GCLC: variants seen among roughly 807,000 people sequenced by gnomAD.
GCLC encodes glutamate-cysteine ligase catalytic subunit, also known as glutamate--cysteine ligase catalytic subunit.
GCLC carries 30 observed loss-of-function variants against 81.5 expected under a neutral mutation model. That is an observed-to-expected ratio of 0.37 (90% CI 0.28 to 0.50). The LOEUF (loss-of-function observed/expected upper bound fraction) is 0.50, where lower values mean the gene tolerates loss of function less well. Among genes scored for constraint, GCLC ranks in the 20% least tolerant of loss-of-function variants. GCLC has a pLI of 0.96. For missense variants in GCLC, 556 were observed against 777.4 expected, an observed-to-expected ratio of 0.72 and a Z score of 3.39; for synonymous variants, 262 against 273.3, an observed-to-expected ratio of 0.96 and a Z score of 0.41.
At chr6:53,514,013 T>C (rs1307694064) in intron 6 of GCLC, 191 bp downstream of exon 6, 1 of 621,800 alleles carries the variant, frequency 1.6e-6, no homozygotes, top group Non-Finnish European at 2.8e-6. Flanking sequence ...ACAGAGTCTG[T>C]AGAACTATTA....
chr6:53,507,213 G>A lies in GCLC; in HGVS notation c.1085-188C>T, dbSNP rs372207009. ...CTGCGGACACTGCGGGAGTGTCAGC[G>A]TTTTATTCACTACTTACACAATGCC... On this transcript the variant is annotated intron_variant, in intron 9 of 15. Coordinates refer to ENST00000650454, the MANE Select transcript of GCLC (RefSeq NM_001498.4). The A allele has an allele frequency of 3.1e-5, 21 of 668,442 alleles. No homozygotes were observed. The East Asian group carries it at 4.3e-4, about 14-fold the overall frequency. The allele number at this position is 668,442 out of a possible 1,614,324, so 41.4% of individuals were successfully genotyped here.
intron 3 of GCLC, 58 bp from the exon 4 acceptor site, chr6:53,516,280 C>T: frequency 9.0e-7 from 1 of 1,113,244 alleles, no homozygotes; most frequent in Non-Finnish European, 1.4e-6. Context: ...TAATTGTGTG[C>T]AGTCTTGCCA....
intron 1 of GCLC, among the ~76,000 whole-genome samples, chr6:53,540,240 A>C (rs1763328976): frequency 6.6e-6 from 1 of 152,060 alleles, no homozygotes; most frequent in Non-Finnish European, 1.5e-5. Context: ...ACAATAGCCA[A>C]GATGTAGAGA....
At chr6:53,505,740 G>A in intron 11 of GCLC, 63 bp downstream of exon 11, 1 of 933,228 alleles carries the variant, frequency 1.1e-6, no homozygotes. Flanking sequence ...AGCATCAGAA[G>A]GGTGATGAAC....
At position 53,498,532 on chromosome 6, in the gene GCLC, G is replaced by A. The variant is rs1764423278; in HGVS notation, c.*224C>T. 1.8e-6 allele frequency: 1 copy of A among 551,366 alleles called. No individual in the cohort carries two copies. Among genetic ancestry groups the A allele is most frequent in the Admixed American group, 3.2e-5 (1 of 31,412 alleles). The allele number at this position is 551,366 out of a possible 1,614,324, so 34.2% of individuals were successfully genotyped here. A position where few individuals can be genotyped will look rare whatever the true frequency, so the allele number is the denominator to read the frequency against. ...GCCAGTTCATGATGACTTTAGATATGTTATTAAAATACATTGTTAATCAAA... is the reference window on the plus strand; with the variant it reads ...GCCAGTTCATGATGACTTTAGATATATTATTAAAATACATTGTTAATCAAA... On this transcript the variant is annotated 3_prime_UTR_variant, in exon 16 of 16. Transcript: ENST00000650454.
intron 1 of GCLC, among the ~76,000 whole-genome samples, chr6:53,538,175 G>T (rs1320879635): frequency 2.5e-5 from 3 of 119,092 alleles, no homozygotes; most frequent in Admixed American, 2.1e-4. Context: ...AAGAGATGGG[G>T]TCCCACTTGG....
At chr6:53,519,543 A>G (rs757202011) in intron 3 of GCLC, among the ~76,000 whole-genome samples, 3 of 150,968 alleles carry the variant, frequency 2.0e-5, no homozygotes, top group African/African-American at 2.4e-5. Context: ...TTGTTCTTCA[A>G]CCCCCCAGCT....
At chr6:53,514,918 T>C (rs1187000935) in intron 4 of GCLC, among the ~76,000 whole-genome samples, 3 of 152,144 alleles carry the variant, frequency 2.0e-5, no homozygotes, top group Non-Finnish European at 4.4e-5. Context: ...CCCTCCCTCA[T>C]CTCTGCAGGA....
intron 3 of GCLC, 90 bp downstream of exon 3, chr6:53,520,688 T>C: frequency 8.0e-6 from 8 of 1,005,630 alleles, no homozygotes; most frequent in African/African-American, 1.6e-5. Flanking sequence ...GTATGAGGAT[T>C]GTAAGGTGGA....
chr6:53,521,801 C>T (rs1021933404), intron 2 of GCLC, among the ~76,000 whole-genome samples: 4 of 152,152 alleles, frequency 2.6e-5, no homozygotes, highest in Admixed American at 6.5e-5. Flanking sequence ...GTGAAACCCC[C>T]GTCTCTACTA....
intron 12 of GCLC, chr6:53,503,296 G>C (rs143952873): frequency 1.3e-5 from 2 of 152,506 alleles, no homozygotes; most frequent in East Asian, 3.9e-4. Context: ...AACTGCCGGT[G>C]ACTTGATCGT....
chr6:53,507,198 T>C (rs1246979785), intron 9 of GCLC, 173 bp from the exon 10 acceptor site: 6 of 683,786 alleles, frequency 8.8e-6, no homozygotes, highest in Admixed American at 4.4e-5. Context: ...CTGCGGACAC[T>C]GCGGGAGTGT....
At position 53,522,409 on chromosome 6, in the gene GCLC, G is replaced by A; in HGVS notation, c.263+6C>T. 1 of 1,499,604 alleles carries A rather than the reference G, an allele frequency of 6.7e-7. No homozygotes were observed. The highest frequency in any genetic ancestry group is 1.1e-5 in the South Asian group (1 of 88,794). The allele number at this position is 1,499,604 out of a possible 1,614,324, so 92.9% of individuals were successfully genotyped here. A position where few individuals can be genotyped will look rare whatever the true frequency, so the allele number is the denominator to read the frequency against. ...AGAAACACTAAATCAGCACATGAGA[G>A]CTTACTTTGGGTTTGTCCTTTCCCC... On this transcript the variant is annotated splice_donor_region_variant and intron_variant, in intron 2 of 15. Transcript: ENST00000650454.
At chr6:53,507,978 C>G (rs894757254) in intron 8 of GCLC, among the ~76,000 whole-genome samples, 1 of 152,074 alleles carries the variant, frequency 6.6e-6, no homozygotes, top group African/African-American at 2.4e-5. Context: ...AAAGCATGTT[C>G]AACAATTTAT....
chr6:53,538,147 T>C (rs1213131602), intron 1 of GCLC, among the ~76,000 whole-genome samples: 2 of 132,306 alleles, frequency 1.5e-5, no homozygotes, highest in Non-Finnish European at 3.1e-5. Context: ...TTTTTTTTTT[T>C]TTTTTTTTTT....
rs551050133 is a variant in GCLC, at chr6:53,504,841, A to T, written c.1395+551T>A. 2.0e-5 allele frequency among the ~76,000 whole-genome samples: 3 copies of T among 152,250 alleles called. No homozygotes were observed. In the South Asian group the frequency reaches 6.2e-4, roughly 32 times the overall value. ...CCCTCTCTATTTAGCAGTTTTTCCC[A>T]GCCACTCTCTGCCAAGAGGAACCCT... On this transcript the variant is annotated intron_variant, in intron 12 of 15. Transcript: ENST00000650454.
chr6:53,503,538 T>G (rs1764553011), intron 12 of GCLC, among the ~76,000 whole-genome samples: 1 of 152,190 alleles, frequency 6.6e-6, no homozygotes, highest in Admixed American at 6.5e-5. Context: ...CCTCTCGAGA[T>G]TCTGAAAACT....
chr6:53,515,040 T>C (rs991042279), intron 4 of GCLC, among the ~76,000 whole-genome samples: 4 of 152,280 alleles, frequency 2.6e-5, no homozygotes, highest in African/African-American at 9.6e-5. Context: ...GCACATGCTG[T>C]GAGAGTAAAA....
rs1202271963 is a variant in GCLC at position 53,505,893 on chromosome 6, A to G, written c.1200T>C (p.Asn400=). 3.8e-6 allele frequency: 6 copies of G among 1,589,884 alleles called. No individual in the cohort carries two copies. The Admixed American group carries it at 6.7e-5, about 18-fold the overall frequency. ...DDANESDHFE[N]IQSTNWQTMR... is the part of the protein sequence containing the mutation. ...TTGTCTGCCAATTTGTGGACTGAAT[A>G]TTCTGTGATACAAAAGCAGAGAAGA... The change falls in exon 11 of 16, where the codon AAT becomes AAC. Residue 400 remains asparagine, a splice_region_variant and synonymous_variant. Coordinates refer to ENST00000650454, the MANE Select transcript of GCLC (RefSeq NM_001498.4).
Sources: gnomAD v4.1 joint callset for allele counts (sites outside exome capture counted in the v4.1 genomes callset) on GRCh38, gnomAD v4.1.1 for gene constraint, MANE v1.5 for transcripts, NCBI Gene and HGNC (gene_info 2026-07-23, HGNC 2026-07-21) for gene names.